The following LMAN2L variants were observed in gnomAD, a reference collection of about 807,000 sequenced individuals.
LMAN2L encodes the protein VIP36-like protein.
LMAN2L carries 30 observed loss-of-function variants against 44.3 expected under a neutral mutation model. The ratio of observed to expected loss-of-function variants is 0.68; its 90% CI spans 0.51 to 0.92. The LOEUF (loss-of-function observed/expected upper bound fraction) is 0.92. LMAN2L is among the 40% of genes least tolerant of loss of function. LMAN2L has a pLI of 0.00. For synonymous variants in LMAN2L, 183 were observed against 171.1 expected (o/e 1.07, Z -0.54); for missense variants, 429 against 446.1 (o/e 0.96, Z 0.35).
At position 96,739,901 on chromosome 2, in the gene LMAN2L, G is replaced by A. The variant is rs1386779146; in HGVS notation, c.140C>T (p.Thr47Met). Residue 47 changes from threonine to methionine, a missense_variant, in exon 1 of 8, where the codon ACG becomes ATG. Coordinates refer to ENST00000264963, the MANE Select transcript of LMAN2L (RefSeq NM_030805.4). Reference protein sequence around the residue: ...QGPQQVGAGQTFEYLKREHSL... With the variant: ...QGPQQVGAGQMFEYLKREHSL... ...GTGCTCCCGTTTCAAGTACTCGAACGTTTGACCCGCCCCGACTTGCTGTGG... is the reference window on the plus strand; with the variant it reads ...GTGCTCCCGTTTCAAGTACTCGAACATTTGACCCGCCCCGACTTGCTGTGG... 1.2e-6 allele frequency: 2 copies of A among 1,613,932 alleles called. No homozygotes were observed. Among genetic ancestry groups the A allele is most frequent in the Non-Finnish European group, 1.7e-6 (2 of 1,180,030 alleles).
chr2:96,738,530 G>C (rs1449332504), intron 1 of LMAN2L, among the ~76,000 whole-genome samples: 2 of 151,896 alleles, frequency 1.3e-5, no homozygotes, highest in African/African-American at 4.8e-5. Context: ...AAAAAAATTA[G>C]CCAGGTGTGG....
In LMAN2L at chr2:96,706,257, C is replaced by T. The variant is rs1359688880; in HGVS notation, c.*999G>A. On this transcript the variant is annotated 3_prime_UTR_variant, in exon 8 of 8. Transcript: ENST00000264963. ...CCAAATTTCTTCTCTGGGCAATATCCAAGCCCAAGGTGTAAGAAGAAAGCT... is the reference window on the plus strand; with the variant it reads ...CCAAATTTCTTCTCTGGGCAATATCTAAGCCCAAGGTGTAAGAAGAAAGCT... 1 of 152,212 alleles carries T rather than the reference C, an allele frequency of 6.6e-6. No homozygotes were observed. Among genetic ancestry groups the T allele is most frequent in the Non-Finnish European group, 1.5e-5 (1 of 68,032 alleles). The allele number at this position is 152,212 out of a possible 1,614,324, so 9.4% of individuals were successfully genotyped here.
intron 6 of LMAN2L, among the ~76,000 whole-genome samples, chr2:96,708,875 A>G (rs1304533536): frequency 3.4e-5 from 5 of 145,580 alleles, no homozygotes; most frequent in Non-Finnish European, 6.0e-5. Context: ...ACATTTAACC[A>G]TATCTGATGT....
At chr2:96,729,865 G>A (rs955741377) in intron 4 of LMAN2L, among the ~76,000 whole-genome samples, 25 of 152,050 alleles carry the variant, frequency 1.6e-4, no homozygotes, top group African/African-American at 5.8e-4. Flanking sequence ...TCTCAACCTC[G>A]GCTATACATG....
chr2:96,713,528 G>A (rs1046589848), intron 4 of LMAN2L, among the ~76,000 whole-genome samples: 10 of 152,186 alleles, frequency 6.6e-5, no homozygotes, highest in Non-Finnish European at 1.3e-4. Flanking sequence ...TCAGTCTCAA[G>A]TTTGTCTGTA....
chr2:96,715,391 T>A (rs2078019944), intron 4 of LMAN2L, among the ~76,000 whole-genome samples: 1 of 152,244 alleles, frequency 6.6e-6, no homozygotes, highest in African/African-American at 2.4e-5. Flanking sequence ...TAACCTCACA[T>A]TAGTGTAAGT....
At chr2:96,736,908 T>C (rs2078527832) in intron 2 of LMAN2L, among the ~76,000 whole-genome samples, 2 of 152,200 alleles carry the variant, frequency 1.3e-5, no homozygotes, top group African/African-American at 4.8e-5. Flanking sequence ...TTTGTGCAGA[T>C]AGCTAATGTA....
intron 4 of LMAN2L, among the ~76,000 whole-genome samples, chr2:96,719,682 G>A (rs949355086): frequency 4.6e-5 from 7 of 151,946 alleles, no homozygotes; most frequent in African/African-American, 1.4e-4. Flanking sequence ...TGCAACCTCC[G>A]CCTCCCAGGT....
intron 4 of LMAN2L, among the ~76,000 whole-genome samples, chr2:96,715,395 TG>T (rs2078020138): frequency 1.3e-5 from 2 of 152,324 alleles, no homozygotes; most frequent in South Asian, 4.1e-4. Flanking sequence ...CTCACATTAG[TG>T]TAAGTCACTA....
At chr2:96,734,333 G>A in intron 3 of LMAN2L, 76 bp downstream of exon 3, 1 of 891,988 alleles carries the variant, frequency 1.1e-6, no homozygotes. Context: ...CTGTGGGGAA[G>A]GAACCTTTTC....
chr2:96,709,706 A>G (rs890975703), intron 6 of LMAN2L, among the ~76,000 whole-genome samples: 1 of 152,262 alleles, frequency 6.6e-6, no homozygotes, highest in African/African-American at 2.4e-5. Flanking sequence ...CGGCTGGGAA[A>G]CATCCTAACT....
Position 96,739,875 on chromosome 2 carries a change from A to G in LMAN2L, c.166T>C (p.Ser56Pro). ...TCACCCTGGTAGGGCTTCGACAGCG[A>G]GTGCTCCCGTTTCAAGTACTCGAAC... ...QTFEYLKREH[S>P]LSKPYQGVGT... The change falls in exon 1 of 8, where the codon TCG (serine) becomes CCG (proline). Residue 56 changes from serine to proline, a missense_variant. Transcript: ENST00000264963. 1 of 1,613,858 alleles carries G rather than the reference A, an allele frequency of 6.2e-7. No individual in the cohort carries two copies. Among genetic ancestry groups the G allele is most frequent in the Non-Finnish European group, 8.5e-7 (1 of 1,180,012 alleles).
At chr2:96,723,645 T>A (rs530753997) in intron 4 of LMAN2L, among the ~76,000 whole-genome samples, 7 of 152,194 alleles carry the variant, frequency 4.6e-5, no homozygotes, top group Non-Finnish European at 4.4e-5. Flanking sequence ...CTAAAAGTTT[T>A]ATAGTTTTAA....
chr2:96,713,775 C>A (rs2077978872), intron 4 of LMAN2L, among the ~76,000 whole-genome samples: 1 of 152,210 alleles, frequency 6.6e-6, no homozygotes, highest in Non-Finnish European at 1.5e-5. Flanking sequence ...TAACCTACCA[C>A]ACATAGGCAA....
At chr2:96,733,828 C>T (rs922618832) in intron 3 of LMAN2L, among the ~76,000 whole-genome samples, 2 of 152,120 alleles carry the variant, frequency 1.3e-5, no homozygotes, top group East Asian at 3.9e-4. Flanking sequence ...AGAGAGAAGG[C>T]CACTGCAACC....
chr2:96,734,428 T>C lies in LMAN2L; in HGVS notation c.405A>G (p.Thr135=). The change falls in exon 3 of 8, where the codon ACA becomes ACG. Residue 135 remains threonine, a synonymous_variant. Transcript: ENST00000264963. ...CAATACCTGGCTGCATCCGATCCTT[T>C]GTGTACCAGATTGCCAAGCCATCCC... The part of the protein sequence containing the change: ...LHGDGLAIWY[T]KDRMQPGPVF... The C allele has an allele frequency of 6.2e-7, 1 of 1,609,946 alleles. No individual in the cohort carries two copies. The highest frequency in any genetic ancestry group is 8.5e-7 in the Non-Finnish European group (1 of 1,176,140).
At chr2:96,718,639 G>A (rs1006689915) in intron 4 of LMAN2L, among the ~76,000 whole-genome samples, 3 of 152,142 alleles carry the variant, frequency 2.0e-5, no homozygotes, top group Admixed American at 6.5e-5. Flanking sequence ...CTTTTTCAAA[G>A]CTGTATAAGC....
rs1291921922 is a variant in LMAN2L, at chr2:96,706,465, G to A, written c.*791C>T. Reference sequence around the variant, plus strand: ...ACAGCTAATCCATGGCATCCATGATGTCTTCCAGGCTTCTCTTGATTTTTA... The same window carrying A: ...ACAGCTAATCCATGGCATCCATGATATCTTCCAGGCTTCTCTTGATTTTTA... On this transcript the variant is annotated 3_prime_UTR_variant, in exon 8 of 8. Transcript: ENST00000264963. 6.6e-6 allele frequency: 1 copy of A among 152,216 alleles called. No homozygotes were observed. Among genetic ancestry groups the A allele is most frequent in the African/African-American group, 2.4e-5 (1 of 41,450 alleles). 9.4% of individuals were successfully genotyped at this position (152,216 alleles called of 1,614,324 possible). A position where few individuals can be genotyped will look rare whatever the true frequency, so the allele number is the denominator to read the frequency against.
At chr2:96,727,395 G>A (rs1287002321) in intron 4 of LMAN2L, among the ~76,000 whole-genome samples, 2 of 152,098 alleles carry the variant, frequency 1.3e-5, no homozygotes, top group Non-Finnish European at 1.5e-5. Flanking sequence ...ACCTTGGGGG[G>A]CCAAAGCAGG....
Sources: allele counts gnomAD v4.1 joint callset (sites outside exome capture counted in the v4.1 genomes callset), GRCh38; gene constraint gnomAD v4.1.1; transcripts MANE v1.5; gene names NCBI Gene and HGNC (gene_info 2026-07-23, HGNC 2026-07-21).